The following KIR2DL3 variants were observed in gnomAD, a reference collection of about 807,000 sequenced individuals.
KIR2DL3 encodes the protein killer cell immunoglobulin-like receptor 2DL3.
A neutral mutation model predicts 33.8 loss-of-function variants in KIR2DL3; 39 were observed. The observed-to-expected ratio is 1.15, with a 90% CI of 0.89 to 1.51. The LOEUF (loss-of-function observed/expected upper bound fraction) is 1.51. Among genes scored for constraint, KIR2DL3 ranks in the 40% most tolerant of loss-of-function variants. The pLI, the probability that KIR2DL3 is intolerant of heterozygous loss-of-function variation, is 0.00. For missense variants in KIR2DL3, 462 were observed against 426.2 expected, an observed-to-expected ratio of 1.08 and a Z score of -0.74; for synonymous variants, 174 against 160.2, an observed-to-expected ratio of 1.09 and a Z score of -0.65.
At chr19:54,744,414 T>C (rs2071863224) in intron 4 of KIR2DL3, among the ~76,000 whole-genome samples, 2 of 152,154 alleles carry the variant, frequency 1.3e-5, no homozygotes, top group Non-Finnish European at 2.9e-5. Flanking sequence ...CAGAAGCCCA[T>C]CCTGGCCTCT....
rs563988192 is a variant in KIR2DL3, at chr19:54,751,396, G to A, written c.716-253G>A. 8.8e-3 allele frequency among the ~76,000 whole-genome samples: 1,050 copies of A among 119,964 alleles called. 189 individuals are homozygous for A. Among genetic ancestry groups the A allele is most frequent in the African/African-American group, 0.031 (984 of 32,256 alleles). The allele number at this position is 119,964 out of a possible 152,430, so 78.7% of individuals were successfully genotyped here. A position where few individuals can be genotyped will look rare whatever the true frequency, so the allele number is the denominator to read the frequency against. On this transcript the variant is annotated intron_variant, in intron 5 of 7. Transcript: ENST00000342376. ...CTCTCAAGAGGCCCAACCTCCCACA[G>A]TGGGGGTGAAATTTCAATGTGAGGT...
chr19:54,746,796 G>A (rs1268355787), intron 4 of KIR2DL3, among the ~76,000 whole-genome samples: 10 of 149,864 alleles, frequency 6.7e-5, no homozygotes, highest in East Asian at 3.9e-4. Context: ...TAGTCTGGCC[G>A]ACGTGATGAA....
At chr19:54,746,520 G>A (rs1367076974) in intron 4 of KIR2DL3, among the ~76,000 whole-genome samples, 2 of 148,232 alleles carry the variant, frequency 1.3e-5, no homozygotes, top group Admixed American at 6.9e-5. Context: ...TGTTTCATAG[G>A]TTCAGGCCTT....
rs1354164161 is a variant in KIR2DL3 at position 54,752,330 on chromosome 19, G to A, written c.874-37G>A. The A allele has an allele frequency of 9.4e-6, 14 of 1,482,662 alleles. 2 individuals are homozygous for A. Among genetic ancestry groups the A allele is most frequent in the Non-Finnish European group, 1.3e-5 (14 of 1,086,420 alleles). 91.8% of individuals were successfully genotyped at this position (1,482,662 alleles called of 1,614,324 possible). A position where few individuals can be genotyped will look rare whatever the true frequency, so the allele number is the denominator to read the frequency against. On this transcript the variant is annotated intron_variant, in intron 7 of 7. Transcript: ENST00000342376. ...ATTCCCAAAGAGTCCTGGAAAATGT[G>A]AGCACCCTCCCTCACTCAGCATTTC... is the stretch of plus-strand genomic sequence containing the variant.
At chr19:54,741,803 G>A (rs1259134288) in intron 2 of KIR2DL3, among the ~76,000 whole-genome samples, 177 bp from the exon 3 acceptor site, 12 of 151,848 alleles carry the variant, frequency 7.9e-5, no homozygotes, top group Non-Finnish European at 1.5e-4. Flanking sequence ...ACAGAGAAGA[G>A]GGAGGGAGAC....
At position 54,744,040 on chromosome 19, in the gene KIR2DL3, C is replaced by A; in HGVS notation, c.616C>A (p.Pro206Thr). 1 of 1,614,246 alleles carries A rather than the reference C, an allele frequency of 6.2e-7. No homozygotes were observed. The highest frequency in any genetic ancestry group is 1.1e-5 in the South Asian group (1 of 91,090). The part of the protein sequence containing the change: ...YRCFGSFRDS[P>T]YEWSNSSDPL... ...ATGCTTCGGCTCTTTCCGTGACTCT[C>A]CATACGAGTGGTCAAACTCGAGTGA... is the stretch of plus-strand genomic sequence containing the variant. Residue 206 changes from proline to threonine, a missense_variant, in exon 4 of 8, where the codon CCA (proline) becomes ACA (threonine). Transcript: ENST00000342376.
At chr19:54,738,906 TGGAGTGGAGATATGGGCCTG>T (rs2070358495) in intron 1 of KIR2DL3, among the ~76,000 whole-genome samples, 1 of 121,022 alleles carries the variant, frequency 8.3e-6, no homozygotes, top group Non-Finnish European at 1.7e-5. Context: ...GATATGGGCC[TGGAGTGGAGATATGGGCCTG>T]GAGGTGGAGA....
intron 2 of KIR2DL3, 31 bp from the exon 3 acceptor site, chr19:54,741,949 C>T (rs1423810739): frequency 7.7e-6 from 12 of 1,564,998 alleles, no homozygotes; most frequent in South Asian, 2.2e-5. Flanking sequence ...TAAAGAGAGA[C>T]ACCTTCTAAA....
At chr19:54,744,518 A>G (rs1395252475) in intron 4 of KIR2DL3, among the ~76,000 whole-genome samples, 1 of 149,896 alleles carries the variant, frequency 6.7e-6, no homozygotes, top group Admixed American at 6.6e-5. Context: ...TATATAGCTT[A>G]CCACCTTTAA....
chr19:54,750,630 A>G (rs1327930492), intron 5 of KIR2DL3, among the ~76,000 whole-genome samples: 90 of 137,608 alleles, frequency 6.5e-4, no homozygotes, highest in African/African-American at 2.3e-3. Context: ...GTCTTCCCAG[A>G]GAAGACTCTA....
At position 54,752,557 on chromosome 19, in the gene KIR2DL3, G is replaced by A. The variant is rs1165261714; in HGVS notation, c.*38G>A. The A allele has an allele frequency of 4.1e-6, 6 of 1,461,742 alleles. 1 individual carries two copies. Among genetic ancestry groups the A allele is most frequent in the African/African-American group, 3.1e-5 (2 of 65,106 alleles). The allele number at this position is 1,461,742 out of a possible 1,614,324, so 90.5% of individuals were successfully genotyped here. The stretch of plus-strand genomic sequence containing the variant: ...TCCTGCCCATGAGCACCACAGTCAG[G>A]CCTTGAGGGGATCTTCTAGGGAGAC... On this transcript the variant is annotated 3_prime_UTR_variant, in exon 8 of 8. Transcript: ENST00000342376.
intron 2 of KIR2DL3, among the ~76,000 whole-genome samples, chr19:54,740,727 C>T (rs1359047241): frequency 2.0e-5 from 3 of 151,872 alleles, no homozygotes; most frequent in Non-Finnish European, 4.4e-5. Flanking sequence ...CCAGTGATGA[C>T]TACATTCTAA....
At position 54,746,090 on chromosome 19, in the gene KIR2DL3, G is replaced by A. The variant is rs375639898; in HGVS notation, c.665-1245G>A. 3.1e-4 allele frequency among the ~76,000 whole-genome samples: 42 copies of A among 133,874 alleles called. 2 individuals carry two copies. Among genetic ancestry groups the A allele is most frequent in the East Asian group, 1.2e-3 (6 of 5,030 alleles). 87.8% of individuals were successfully genotyped at this position (133,874 alleles called of 152,430 possible). A position where few individuals can be genotyped will look rare whatever the true frequency, so the allele number is the denominator to read the frequency against. On this transcript the variant is annotated intron_variant, in intron 4 of 7. Coordinates refer to ENST00000342376, the MANE Select transcript of KIR2DL3 (RefSeq NM_015868.3). The stretch of plus-strand genomic sequence containing the variant: ...AGGCTCTCAAAGGTCTAGGATGACA[G>A]ACGTGAGCCACCACGCCCGGCCTAA...
At chr19:54,749,324 A>G (rs1316927797) in intron 5 of KIR2DL3, among the ~76,000 whole-genome samples, 5,156 of 106,946 alleles carry the variant, frequency 0.048, 1 homozygote, top group Non-Finnish European at 0.055. Context: ...GCTCAGTTGC[A>G]TAACTGGAAT....
At chr19:54,744,987 C>T (rs1304520872) in intron 4 of KIR2DL3, among the ~76,000 whole-genome samples, 4 of 103,724 alleles carry the variant, frequency 3.9e-5, no homozygotes, top group Non-Finnish European at 7.5e-5. Context: ...TACCCTCCAC[C>T]CTTTTATTCC....
At chr19:54,751,524 C>G (rs1282256112) in intron 5 of KIR2DL3, 125 bp from the exon 6 acceptor site, 5 of 828,540 alleles carry the variant, frequency 6.0e-6, no homozygotes, top group Non-Finnish European at 9.5e-6. Flanking sequence ...CTGGGTCTCC[C>G]TCCATCTGGG....
intron 5 of KIR2DL3, among the ~76,000 whole-genome samples, chr19:54,749,250 G>A (rs1555915576): frequency 0.15 from 22,230 of 147,480 alleles, 16 homozygotes; most frequent in African/African-American, 0.22. Context: ...ACAGCCATTG[G>A]ATTCACCTCG....
rs961582130 is a variant in KIR2DL3 at position 54,752,375 on chromosome 19, T to C, written c.882T>C (p.Asp294=). ...CATTTCCCTCTCTCCAGGACTCTGA[T>C]GAACAAGACCCTCAGGAGGTGACAT... The part of the protein sequence containing the change: ...GNRTVNREDS[D]EQDPQEVTYA... The change falls in exon 8 of 8, where the codon GAT becomes GAC. Residue 294 remains aspartate (D), a synonymous_variant. Coordinates refer to ENST00000342376, the MANE Select transcript of KIR2DL3 (RefSeq NM_015868.3). 1.3e-5 allele frequency: 19 copies of C among 1,472,774 alleles called. 5 individuals carry two copies. Among genetic ancestry groups the C allele is most frequent in the Non-Finnish European group, 1.7e-5 (18 of 1,081,520 alleles). 91.2% of individuals were successfully genotyped at this position (1,472,774 alleles called of 1,614,324 possible).
intron 5 of KIR2DL3, among the ~76,000 whole-genome samples, chr19:54,748,918 T>A (rs1484745154): frequency 2.0e-3 from 301 of 147,802 alleles, no homozygotes; most frequent in African/African-American, 7.4e-3. Flanking sequence ...TGAGCCACTG[T>A]GCCCAGCCAG....
Sources: gnomAD v4.1 joint callset for allele counts (sites outside exome capture counted in the v4.1 genomes callset) on GRCh38, gnomAD v4.1.1 for gene constraint, MANE v1.5 for transcripts, NCBI Gene and HGNC (gene_info 2026-07-23, HGNC 2026-07-21) for gene names.